Variants in MICU1 observed in about 807,000 individuals in gnomAD.
MICU1 encodes the protein calcium uptake protein 1, mitochondrial.
In MICU1, 45 loss-of-function variants were observed where a neutral mutation model predicts 56.8. That is an observed-to-expected ratio of 0.79 (90% CI 0.62 to 1.02). The LOEUF (loss-of-function observed/expected upper bound fraction) is 1.02, where lower values mean the gene tolerates loss of function less well. Ranked by LOEUF, MICU1 falls within the 50% of genes least tolerant of loss-of-function variation. The pLI, the probability that MICU1 is intolerant of heterozygous loss-of-function variation, is 0.00. For synonymous variants in MICU1, 186 were observed against 195.1 expected (o/e 0.95, Z 0.39); for missense variants, 504 against 587.1 (o/e 0.86, Z 1.46).
At chr10:72,542,867 T>C (rs1839808489) in intron 4 of MICU1, among the ~76,000 whole-genome samples, 1 of 152,180 alleles carries the variant, frequency 6.6e-6, no homozygotes, top group Admixed American at 6.5e-5. Context: ...TACTGAACAA[T>C]GAAAGTGGCT....
At chr10:72,399,547 G>A (rs766508955) in intron 10 of MICU1, among the ~76,000 whole-genome samples, 3 of 152,148 alleles carry the variant, frequency 2.0e-5, no homozygotes, top group Non-Finnish European at 2.9e-5. Context: ...TTGGGGAGCT[G>A]AGGCAGGAGA....
At chr10:72,482,846 TA>T (rs1436228204) in intron 6 of MICU1, among the ~76,000 whole-genome samples, 78 of 148,340 alleles carry the variant, frequency 5.3e-4, no homozygotes, top group Middle Eastern at 3.6e-3. Context: ...CATATATATA[TA>T]TATATTTATT....
At chr10:72,535,590 T>C (rs1466046909) in intron 4 of MICU1, among the ~76,000 whole-genome samples, 1 of 152,054 alleles carries the variant, frequency 6.6e-6, no homozygotes, top group Non-Finnish European at 1.5e-5. Flanking sequence ...GTTCTAAGCA[T>C]ATTGAACAAA....
chr10:72,441,040 C>T (rs1864905791), intron 8 of MICU1, among the ~76,000 whole-genome samples: 1 of 152,094 alleles, frequency 6.6e-6, no homozygotes, highest in Admixed American at 6.6e-5. Flanking sequence ...CCCAGCAATC[C>T]CATTACTGGG....
intron 8 of MICU1, among the ~76,000 whole-genome samples, chr10:72,451,031 T>TG (rs1865281915): frequency 6.7e-6 from 1 of 149,042 alleles, no homozygotes; most frequent in Non-Finnish European, 1.5e-5. Context: ...AATCTTTTTT[T>TG]TTTTTTTTTT....
chr10:72,421,074 T>C (rs1864154980), intron 9 of MICU1, among the ~76,000 whole-genome samples: 1 of 149,802 alleles, frequency 6.7e-6, no homozygotes, highest in African/African-American at 2.5e-5. Context: ...AAAAGACACG[T>C]CTTACATTGC....
chr10:72,611,943 C>CT (rs1414972371), intron 1 of MICU1, among the ~76,000 whole-genome samples: 1 of 146,494 alleles, frequency 6.8e-6, no homozygotes, highest in Non-Finnish European at 1.5e-5. Flanking sequence ...TACACAGTGA[C>CT]TGTGAATAGC....
chr10:72,523,252 G>A (rs1402718824), intron 5 of MICU1, among the ~76,000 whole-genome samples: 3 of 152,144 alleles, frequency 2.0e-5, no homozygotes, highest in Non-Finnish European at 4.4e-5. Context: ...TCAGAGAACC[G>A]GAAGTGGCTG....
intron 5 of MICU1, chr10:72,531,561 T>C (rs1839483719): frequency 6.6e-6 from 1 of 151,458 alleles, no homozygotes; most frequent in African/African-American, 2.4e-5. Flanking sequence ...CTACTAAAAA[T>C]AAAAAAATTA....
chr10:72,613,043 A>C (rs1239093126), intron 1 of MICU1, among the ~76,000 whole-genome samples: 1 of 152,072 alleles, frequency 6.6e-6, no homozygotes, highest in Non-Finnish European at 1.5e-5. Flanking sequence ...TCAGAAAAAA[A>C]ATTAACATCA....
intron 4 of MICU1, among the ~76,000 whole-genome samples, chr10:72,540,939 C>T (rs151305658): frequency 1.3e-5 from 2 of 152,356 alleles, no homozygotes; most frequent in Non-Finnish European, 2.9e-5. Flanking sequence ...ATAAAGCAGG[C>T]TGACAAATCT....
chr10:72,619,319 C>A (rs1464254359), intron 1 of MICU1, among the ~76,000 whole-genome samples: 1 of 152,082 alleles, frequency 6.6e-6, no homozygotes, highest in African/African-American at 2.4e-5. Context: ...GTGGCAGGCA[C>A]CTGTAGTCCC....
At chr10:72,595,078 G>A (rs1367653612) in intron 1 of MICU1, among the ~76,000 whole-genome samples, 3 of 151,832 alleles carry the variant, frequency 2.0e-5, no homozygotes, top group Non-Finnish European at 4.4e-5. Flanking sequence ...ATAAAGAAAC[G>A]AGCTGAAATT....
intron 4 of MICU1, among the ~76,000 whole-genome samples, chr10:72,539,175 C>G (rs1290805019): frequency 1.3e-5 from 2 of 152,082 alleles, no homozygotes; most frequent in Non-Finnish European, 2.9e-5. Context: ...CAGTAACGGG[C>G]AGATCATCTA....
intron 1 of MICU1, among the ~76,000 whole-genome samples, chr10:72,610,603 T>C (rs1471691954): frequency 1.3e-5 from 2 of 152,152 alleles, no homozygotes; most frequent in Admixed American, 6.5e-5. Context: ...TAGCTACAGC[T>C]TTGGGAAACA....
chr10:72,454,782 C>CAAAAA (rs10591892), intron 8 of MICU1, among the ~76,000 whole-genome samples: 1 of 119,052 alleles, frequency 8.4e-6, no homozygotes. Flanking sequence ...AACTCCATCT[C>CAAAAA]AAAAAAAAAA....
At chr10:72,448,189 ATATATTTTTTTTT>A (rs1865177589) in intron 8 of MICU1, among the ~76,000 whole-genome samples, 1 of 55,316 alleles carries the variant, frequency 1.8e-5, no homozygotes, top group African/African-American at 5.5e-5. Context: ...ATATATATAT[ATATATTTTTTTTT>A]TTTTTTTTTT....
intron 10 of MICU1, among the ~76,000 whole-genome samples, chr10:72,396,485 T>TCTCTG (rs2132077930): frequency 6.6e-6 from 1 of 152,192 alleles, no homozygotes; most frequent in South Asian, 2.1e-4. Context: ...ATAACAAACT[T>TCTCTG]CTCTGAGCTA....
chr10:72,516,699 C>T (rs890774388), intron 5 of MICU1, among the ~76,000 whole-genome samples: 12 of 152,126 alleles, frequency 7.9e-5, no homozygotes, highest in African/African-American at 2.9e-4. Flanking sequence ...GGAATCCTTT[C>T]CCCATTGCTT....
Sources: gnomAD v4.1 joint callset for allele counts (sites outside exome capture counted in the v4.1 genomes callset) on GRCh38, gnomAD v4.1.1 for gene constraint, MANE v1.5 for transcripts, NCBI Gene and HGNC (gene_info 2026-07-23, HGNC 2026-07-21) for gene names.